The following PTPRF variants were observed in gnomAD, a reference collection of about 807,000 sequenced individuals.
The protein encoded by PTPRF is receptor-type tyrosine-protein phosphatase F.
Under a neutral mutation model 201.8 loss-of-function variants are expected in PTPRF, and 59 were observed. The observed-to-expected ratio is 0.29, with a 90% CI of 0.24 to 0.36. PTPRF has a LOEUF of 0.36. Ranked by LOEUF, PTPRF falls within the 10% of genes least tolerant of loss-of-function variation. The probability of loss-of-function intolerance (pLI) is 1.00; values close to 1 mark genes in which losing one functional copy is unlikely to be tolerated. For synonymous variants in PTPRF, 1,088 were observed against 1,089.7 expected (o/e 1.00, Z 0.03); for missense variants, 2,132 against 2,690.5 (o/e 0.79, Z 4.59).
At position 43,600,494 on chromosome 1, in the gene PTPRF, G is replaced by A. The variant is rs971269607; in HGVS notation, c.2314-1577G>A. Reference sequence around the variant, plus strand: ...TCAGGACTGGGTCATTCTGTTCCTCGCCAGTGGGAGAGCAGTGGGGCCTGG... The same window carrying A: ...TCAGGACTGGGTCATTCTGTTCCTCACCAGTGGGAGAGCAGTGGGGCCTGG... On this transcript the variant is annotated intron_variant, in intron 13 of 33. Transcript: ENST00000359947. Among the ~76,000 whole-genome samples, 115 of 151,058 alleles carry A rather than the reference G, an allele frequency of 7.6e-4. 1 individual carries two copies. Among genetic ancestry groups the A allele is most frequent in the African/African-American group, 2.6e-3 (107 of 40,396 alleles).
chr1:43,606,126 A>C, intron 19 of PTPRF, 114 bp from the exon 20 acceptor site: 1 of 1,205,290 alleles, frequency 8.3e-7, no homozygotes, highest in Non-Finnish European at 1.1e-6. Flanking sequence ...GTGGGCTCTG[A>C]CACGGAAGGT....
intron 8 of PTPRF, 64 bp from the exon 9 acceptor site, chr1:43,590,908 G>A: frequency 7.0e-7 from 1 of 1,427,716 alleles, no homozygotes; most frequent in Non-Finnish European, 9.6e-7. Context: ...TAATCCCCAA[G>A]TCTAGGGTTG....
At chr1:43,567,390 A>G (rs912761975) in intron 5 of PTPRF, among the ~76,000 whole-genome samples, 3 of 152,214 alleles carry the variant, frequency 2.0e-5, no homozygotes, top group African/African-American at 7.2e-5. Flanking sequence ...AAAAATCTGA[A>G]AGGGCACTGT....
intron 21 of PTPRF, among the ~76,000 whole-genome samples, chr1:43,608,491 G>A (rs929007025): frequency 2.6e-5 from 4 of 152,216 alleles, no homozygotes; most frequent in African/African-American, 9.7e-5. Context: ...GTTCAGGACT[G>A]AGTCCTCATT....
intron 3 of PTPRF, among the ~76,000 whole-genome samples, chr1:43,552,326 A>C (rs1360826918): frequency 6.6e-6 from 1 of 152,136 alleles, no homozygotes. Flanking sequence ...CAGGTGTTTG[A>C]CAGTCAAACA....
intron 33 of PTPRF, 152 bp from the exon 34 acceptor site, chr1:43,621,783 G>C (rs938952466): frequency 3.0e-6 from 2 of 669,214 alleles, no homozygotes; most frequent in Admixed American, 5.5e-5. Flanking sequence ...GCTCTTTCAG[G>C]CTCCCCCGCA....
chr1:43,538,395 G>C (rs1385676720), intron 2 of PTPRF, 118 bp downstream of exon 2: 8 of 396,992 alleles, frequency 2.0e-5, no homozygotes, highest in African/African-American at 4.1e-5. Context: ...GTGTCAGCAG[G>C]GGGCATGACA....
At chr1:43,599,752 T>G (rs947791839) in intron 13 of PTPRF, among the ~76,000 whole-genome samples, 1 of 152,066 alleles carries the variant, frequency 6.6e-6, no homozygotes, top group Non-Finnish European at 1.5e-5. Flanking sequence ...ATGAGAGTGG[T>G]ATGGAATTAT....
intron 7 of PTPRF, chr1:43,579,733 C>G (rs1470960580): frequency 6.3e-6 from 1 of 159,186 alleles, no homozygotes; most frequent in Admixed American, 6.0e-5. Flanking sequence ...CTTCTACCCT[C>G]ATACTGTCCC....
At position 43,602,207 on chromosome 1, in the gene PTPRF, C is replaced by G. The variant is rs913044124; in HGVS notation, c.2340+110C>G. ...GCCTGCACTGCCAAGATCCACAGGGCTCTAGCCACATCAGGAGAAAATTGG... is the reference window on the plus strand; with the variant it reads ...GCCTGCACTGCCAAGATCCACAGGGGTCTAGCCACATCAGGAGAAAATTGG... On this transcript the variant is annotated intron_variant, in intron 14 of 33. Coordinates refer to ENST00000359947, the MANE Select transcript of PTPRF (RefSeq NM_002840.5). 5.2e-6 allele frequency: 7 copies of G among 1,341,934 alleles called. No homozygotes were observed. The Admixed American group carries it at 1.2e-4, about 23-fold the overall frequency. 83.1% of individuals were successfully genotyped at this position (1,341,934 alleles called of 1,614,324 possible).
At chr1:43,566,724 C>T (rs1646212186) in intron 5 of PTPRF, among the ~76,000 whole-genome samples, 1 of 152,230 alleles carries the variant, frequency 6.6e-6, no homozygotes, top group Admixed American at 6.5e-5. Context: ...GGGGCTGGAG[C>T]CCTCCTGTAA....
chr1:43,583,448 G>A (rs1206241955), intron 7 of PTPRF, among the ~76,000 whole-genome samples: 1 of 152,202 alleles, frequency 6.6e-6, no homozygotes, highest in Non-Finnish European at 1.5e-5. Context: ...AATGGTTGTG[G>A]GGGGCTGTGG....
chr1:43,539,177 G>A (rs1644209524), intron 2 of PTPRF, among the ~76,000 whole-genome samples: 1 of 152,212 alleles, frequency 6.6e-6, no homozygotes, highest in Non-Finnish European at 1.5e-5. Context: ...AAAGAGGCAG[G>A]AAGTGATGAG....
At chr1:43,548,691 C>G (rs1431887739) in intron 3 of PTPRF, among the ~76,000 whole-genome samples, 1 of 152,182 alleles carries the variant, frequency 6.6e-6, no homozygotes, top group South Asian at 2.1e-4. Context: ...AGGCTTGTCT[C>G]TGAGTGGGCT....
intron 3 of PTPRF, among the ~76,000 whole-genome samples, chr1:43,545,854 G>A (rs1185109572): frequency 2.0e-5 from 3 of 152,164 alleles, no homozygotes; most frequent in Admixed American, 6.5e-5. Flanking sequence ...ATCCAACTCC[G>A]AACTTTGGTC....
intron 5 of PTPRF, among the ~76,000 whole-genome samples, chr1:43,556,779 G>T (rs905437412): frequency 6.6e-6 from 1 of 152,232 alleles, no homozygotes; most frequent in African/African-American, 2.4e-5. Flanking sequence ...CTTCCCAGGA[G>T]TGTGGTGGTG....
chr1:43,573,289 G>T (rs897174948), intron 6 of PTPRF, among the ~76,000 whole-genome samples: 1 of 152,144 alleles, frequency 6.6e-6, no homozygotes, highest in Non-Finnish European at 1.5e-5. Flanking sequence ...AGGCTGTGCC[G>T]AGCCTGGACA....
Position 43,620,352 on chromosome 1 carries a change from G to A in PTPRF, c.5239-102G>A, listed in dbSNP as rs1490404890. The A allele has an allele frequency of 2.2e-5, 33 of 1,521,768 alleles. No individual in the cohort carries two copies. In the South Asian group the frequency reaches 2.5e-4, roughly 11 times the overall value. 94.3% of individuals were successfully genotyped at this position (1,521,768 alleles called of 1,614,324 possible). Reference sequence around the variant, plus strand: ...CTTGTCAGCATGGCCTCAGGCGCCCGTTATTACTACCTGAGGCATCTGTCC... The same window carrying A: ...CTTGTCAGCATGGCCTCAGGCGCCCATTATTACTACCTGAGGCATCTGTCC... On this transcript the variant is annotated intron_variant, in intron 30 of 33. Transcript: ENST00000359947.
chr1:43,583,120 C>A, intron 7 of PTPRF: 1 of 984,226 alleles, frequency 1.0e-6, no homozygotes, highest in Non-Finnish European at 1.2e-6. Context: ...TCTTATCCAT[C>A]TACAGTTCGC....
Sources: gnomAD v4.1 joint callset for allele counts (sites outside exome capture counted in the v4.1 genomes callset) on GRCh38, gnomAD v4.1.1 for gene constraint, MANE v1.5 for transcripts, NCBI Gene and HGNC (gene_info 2026-07-23, HGNC 2026-07-21) for gene names.